HGFAC: variants seen among roughly 807,000 people sequenced by gnomAD.
HGFAC encodes the protein HGF activator.
A neutral mutation model predicts 70.6 loss-of-function variants in HGFAC; 76 were observed. The ratio of observed to expected loss-of-function variants is 1.08; its 90% confidence interval spans 0.89 to 1.30. HGFAC has a LOEUF of 1.30. Ranked by LOEUF, HGFAC falls within the 50% of genes most tolerant of loss-of-function variation. HGFAC has a pLI of 0.00. For synonymous variants in HGFAC, 464 were observed against 405.3 expected, an observed-to-expected ratio of 1.14 and a Z score of -1.74; for missense variants, 1,044 against 933.7, an observed-to-expected ratio of 1.12 and a Z score of -1.54.
chr4:3,443,200 T>C (rs1725373608), intron 3 of HGFAC, 54 bp downstream of exon 3: 1 of 1,366,716 alleles, frequency 7.3e-7, no homozygotes, highest in East Asian at 2.6e-5. Context: ...CCACGCTGCC[T>C]GCTTTTCTGG....
At chr4:3,446,334 C>T in intron 10 of HGFAC, 40 bp downstream of exon 10, 2 of 1,584,184 alleles carry the variant, frequency 1.3e-6, no homozygotes, top group Non-Finnish European at 1.7e-6. Context: ...CCCTGAGGCC[C>T]CACACACCAT....
rs1725416384 is a variant in HGFAC, at chr4:3,444,339, G to A, written c.627G>A (p.Glu209=). ...TEKCFDETRY[E]YLEGGDRWAR... ...AATGCTTTGATGAGACCCGCTACGA[G>A]TACCTGGAGGGGGGCGACCGCTGGG... Residue 209 remains glutamate, a synonymous_variant, in exon 6 of 14, where the codon GAG becomes GAA. Transcript: ENST00000382774. 2 of 1,597,672 alleles carry A rather than the reference G, an allele frequency of 1.3e-6. No homozygotes were observed. The highest frequency in any genetic ancestry group is 1.7e-6 in the Non-Finnish European group (2 of 1,173,232).
Position 3,445,317 on chromosome 4 carries a change from C to A in HGFAC, c.1069C>A (p.Leu357Ile), listed in dbSNP as rs1168874904. The A allele has an allele frequency of 6.3e-7, 1 of 1,588,016 alleles. No homozygotes were observed. Among genetic ancestry groups the A allele is most frequent in the Non-Finnish European group, 8.6e-7 (1 of 1,168,254 alleles). The part of the protein sequence containing the change: ...PWCYVVKDSA[L>I]SWEYCRLEAC... ...GTGCTACGTGGTGAAGGACAGCGCG[C>A]TCTCCTGGGAGTACTGCCGCCTGGA... Residue 357 changes from leucine to isoleucine, a missense_variant, in exon 9 of 14, where the codon CTC becomes ATC. Physicochemically the swap from Leu to Ile is conservative, Grantham distance 5 (BLOSUM62 2). Coordinates refer to ENST00000382774, the MANE Select transcript of HGFAC (RefSeq NM_001528.4).
chr4:3,443,174 GC>G (rs745595486), intron 3 of HGFAC, 28 bp downstream of exon 3: 1 of 1,463,582 alleles, frequency 6.8e-7, no homozygotes, highest in Admixed American at 2.2e-5. Context: ...GGGCACCCGA[GC>G]TGGGGTCACC....
upstream of HGFAC, chr4:3,441,747 G>A (rs972539167): frequency 2.7e-5 from 11 of 410,244 alleles, no homozygotes; most frequent in Non-Finnish European, 4.7e-5. This position sits in a 1 kb window ranked among gnomAD's most constrained non-coding sequence, Gnocchi z 6.0. Context: ...TCTAAGCTGA[G>A]GCCCAAGGAC....
chr4:3,442,178 G>A, intron 1 of HGFAC, 60 bp downstream of exon 1: 2 of 1,342,380 alleles, frequency 1.5e-6, no homozygotes, highest in South Asian at 1.3e-5. Flanking sequence ...TGGGGTCCTT[G>A]GGAGGAGGCC....
intron 9 of HGFAC, 141 bp from the exon 10 acceptor site, chr4:3,445,901 G>A (rs1483956327): frequency 1.9e-6 from 3 of 1,549,286 alleles, no homozygotes; most frequent in African/African-American, 1.4e-5. Flanking sequence ...GCAGAGGTGA[G>A]TGGGCGCCAG....
At chr4:3,445,225 G>C in intron 8 of HGFAC, 40 bp from the exon 9 acceptor site, 8 of 1,491,490 alleles carry the variant, frequency 5.4e-6, no homozygotes, top group Non-Finnish European at 7.3e-6. Flanking sequence ...TCTTCGAGGG[G>C]CAGTGTGACT....
At chr4:3,443,285 G>A (rs1725376044) in intron 3 of HGFAC, 56 bp from the exon 4 acceptor site, 4 of 1,462,480 alleles carry the variant, frequency 2.7e-6, no homozygotes, top group African/African-American at 1.4e-5. Context: ...AGGGTGGTGG[G>A]GTGGGGTGGG....
chr4:3,443,982 C>T lies in HGFAC; in HGVS notation c.476-57C>T, dbSNP rs1725399630. ...ACGCCTTAGCAAGCAGAGAATGTCACAGAGGGACCCTGAGCCTCCCAGTCC... is the reference window on the plus strand; with the variant it reads ...ACGCCTTAGCAAGCAGAGAATGTCATAGAGGGACCCTGAGCCTCCCAGTCC... On this transcript the variant is annotated intron_variant, in intron 4 of 13. Coordinates refer to ENST00000382774, the MANE Select transcript of HGFAC (RefSeq NM_001528.4). 4.0e-6 allele frequency: 6 copies of T among 1,515,084 alleles called. No homozygotes were observed. The South Asian group carries it at 7.9e-5, about 20-fold the overall frequency. The allele number at this position is 1,515,084 out of a possible 1,614,324, so 93.9% of individuals were successfully genotyped here. A position where few individuals can be genotyped will look rare whatever the true frequency, so the allele number is the denominator to read the frequency against.
chr4:3,449,239 G>A lies in HGFAC; in HGVS notation c.1788G>A (p.Gly596=). The change falls in exon 14 of 14, where the codon GGG becomes GGA. Residue 596 remains glycine (G), a splice_region_variant and synonymous_variant. Coordinates refer to ENST00000382774, the MANE Select transcript of HGFAC (RefSeq NM_001528.4). ...YFDCKSDACQ[G]DSGGPLACEK... The stretch of plus-strand genomic sequence containing the variant: ...CTCTGACCAACGTCTCTGCCCAGGG[G>A]GACTCAGGGGGGCCCCTGGCCTGCG... The A allele has an allele frequency of 6.2e-7, 1 of 1,611,558 alleles. No homozygotes were observed. The highest frequency in any genetic ancestry group is 8.5e-7 in the Non-Finnish European group (1 of 1,179,242).
Position 3,442,932 on chromosome 4 carries a change from G to A in HGFAC, c.298+20G>A, listed in dbSNP as rs1265029501. The stretch of plus-strand genomic sequence containing the variant: ...CCCAAGGTGGGTCAGGTGGGCCTGG[G>A]AGGAGGTGTCGTGCTTCACCTTAGG... On this transcript the variant is annotated intron_variant, in intron 2 of 13. Coordinates refer to ENST00000382774, the MANE Select transcript of HGFAC (RefSeq NM_001528.4). 6.4e-7 allele frequency: 1 copy of A among 1,562,708 alleles called. No individual in the cohort carries two copies. Among genetic ancestry groups the A allele is most frequent in the Non-Finnish European group, 8.7e-7 (1 of 1,154,278 alleles).
In HGFAC at chr4:3,445,280, C is replaced by G; in HGVS notation, c.1032C>G (p.Asp344Glu). Residue 344 changes from aspartate to glutamate, a missense_variant, in exon 9 of 14, where the codon GAC (aspartate) becomes GAG (glutamate). Transcript: ENST00000382774. ...PHAYCRNPDN[D>E]ERPWCYVVKD... The stretch of plus-strand genomic sequence containing the variant: ...TGCACCGCAGGAATCCGGACAATGA[C>G]GAGAGGCCCTGGTGCTACGTGGTGA... The G allele has an allele frequency of 6.3e-7, 1 of 1,583,612 alleles. No individual in the cohort carries two copies. The highest frequency in any genetic ancestry group is 1.2e-5 in the South Asian group (1 of 86,466).
rs756545129 is a variant in HGFAC, at chr4:3,446,130, G to A, written c.1191G>A (p.Arg397=). 9 of 1,611,570 alleles carry A rather than the reference G, an allele frequency of 5.6e-6. No individual in the cohort carries two copies. In the South Asian group the frequency reaches 9.9e-5, roughly 18 times the overall value. The part of the protein sequence containing the change: ...ASPGRQACGR[R]HKKRTFLRPR... ...CGGGGCGCCAGGCCTGCGGCAGGAG[G>A]CACAAGAAGAGGACGTTCCTGCGGC... The change falls in exon 10 of 14, where the codon AGG becomes AGA. Residue 397 remains arginine, a synonymous_variant. Transcript: ENST00000382774.
chr4:3,448,297 C>T (rs1391962738), intron 13 of HGFAC, 21 bp downstream of exon 13: 1 of 1,601,852 alleles, frequency 6.2e-7, no homozygotes, highest in South Asian at 1.1e-5. Flanking sequence ...GCCCGCCCCA[C>T]CAGGACCCGA....
In HGFAC at chr4:3,444,041, GCCCTGGATCCCTGTGC is replaced by G. The variant is rs562047823; in HGVS notation, c.480_495del (p.Leu161ProfsTer81). The G allele has an allele frequency of 2.4e-3, 3,777 of 1,596,092 alleles. 29 individuals carry two copies. The highest frequency in any genetic ancestry group is 0.023 in the Middle Eastern group (138 of 5,942). On this transcript the variant is annotated frameshift_variant, in exon 5 of 14. Coordinates refer to ENST00000382774, the MANE Select transcript of HGFAC (RefSeq NM_001528.4). LOFTEE classifies it high-confidence loss of function. ...CACCCCCTCCCGCATGTCCCCAGCTGCCCTGGATCCCTGTGCCTCCGGCCCCTGCCTCAATGGAGGC... is the reference window on the plus strand; with the variant it reads ...CACCCCCTCCCGCATGTCCCCAGCTGCTCCGGCCCCTGCCTCAATGGAGGC...
chr4:3,444,761 C>T (rs1725438616), intron 7 of HGFAC, 28 bp downstream of exon 7: 1 of 1,577,470 alleles, frequency 6.3e-7, no homozygotes, highest in Admixed American at 1.7e-5. Context: ...CCGGGGTGCC[C>T]TGGGGCAGTG....
In HGFAC at chr4:3,447,507, C is replaced by A; in HGVS notation, c.1371C>A (p.Ser457Arg). Residue 457 changes from serine to arginine, a missense_variant, in exon 11 of 14, where the codon AGC becomes AGA. By Grantham distance (110) the Ser-to-Arg change is moderately radical. Transcript: ENST00000382774. Reference protein sequence around the residue: ...HCFSHSPPRDSVSVVLGQHFF... With the variant: ...HCFSHSPPRDRVSVVLGQHFF... ...CCTTGCACAGCCCCCCCAGGGACAGCGTCTCCGTGGTGCTGGGCCAGCACT... is the reference window on the plus strand; with the variant it reads ...CCTTGCACAGCCCCCCCAGGGACAGAGTCTCCGTGGTGCTGGGCCAGCACT... The A allele has an allele frequency of 2.5e-6, 4 of 1,612,604 alleles. No individual in the cohort carries two copies. Among genetic ancestry groups the A allele is most frequent in the Middle Eastern group, 1.7e-4 (1 of 6,058 alleles).
rs748905567 is a variant in HGFAC at position 3,444,100 on chromosome 4, G to A, written c.537G>A (p.Gln179=). 3.7e-6 allele frequency: 6 copies of A among 1,612,190 alleles called. No individual in the cohort carries two copies. The Admixed American group carries it at 5.0e-5, about 13-fold the overall frequency. The change falls in exon 5 of 14, where the codon CAG becomes CAA. Residue 179 remains glutamine (Q), a synonymous_variant. Coordinates refer to ENST00000382774, the MANE Select transcript of HGFAC (RefSeq NM_001528.4). ...ATGGAGGCTCCTGCTCCAATACCCA[G>A]GACCCCCAGTCCTATCACTGCAGCT... is the stretch of plus-strand genomic sequence containing the variant. The part of the protein sequence containing the change: ...CLNGGSCSNT[Q]DPQSYHCSCP...
Sources: allele counts gnomAD v4.1 joint callset, GRCh38; gene constraint gnomAD v4.1.1; non-coding constraint Gnocchi (gnomAD v3.1); transcripts MANE v1.5; gene names NCBI Gene and HGNC (gene_info 2026-07-23, HGNC 2026-07-21).